The following RNF128 variants were observed in gnomAD, a reference collection of about 807,000 sequenced individuals.
RNF128 encodes ring finger protein 128.
A neutral mutation model predicts 26.2 loss-of-function variants in RNF128; 13 were observed. The ratio of observed to expected loss-of-function variants is 0.50; its 90% CI spans 0.32 to 0.79. The LOEUF is 0.79. RNF128 is among the 30% of genes least tolerant of loss of function. The pLI is 0.03. For synonymous variants in RNF128, 149 were observed against 142.5 expected, an observed-to-expected ratio of 1.05 and a Z score of -0.32; for missense variants, 315 against 349.7, an observed-to-expected ratio of 0.90 and a Z score of 0.79.
chrX:106,759,187 T>G lies in RNF128; in HGVS notation c.485-13726T>G, dbSNP rs576561499. On this transcript the variant is annotated intron_variant, in intron 1 of 6. Transcript: ENST00000255499. Reference sequence around the variant, plus strand: ...GGCAAACAGGTATATGAAAAGATGCTCAACATAATTGATCATCAGAAATGC... The same window carrying G: ...GGCAAACAGGTATATGAAAAGATGCGCAACATAATTGATCATCAGAAATGC... 1.6e-4 allele frequency among the ~76,000 whole-genome samples: 18 copies of G among 111,835 alleles called. 1 individual carries two copies. The highest frequency in any genetic ancestry group is 5.5e-4 in the African/African-American group (17 of 30,854).
chrX:106,766,165 G>A (rs183542505), intron 1 of RNF128, among the ~76,000 whole-genome samples: 7 of 111,747 alleles, frequency 6.3e-5, no homozygotes, highest in African/African-American at 9.7e-5. Flanking sequence ...GAATAGTGCC[G>A]AAATAAACAT....
At chrX:106,700,557 AT>A (rs913101147) in intron 1 of RNF128, among the ~76,000 whole-genome samples, 10 of 111,801 alleles carry the variant, frequency 8.9e-5, no homozygotes, top group African/African-American at 3.3e-4. Flanking sequence ...AAACTATTGT[AT>A]TTTTTAAATT....
At chrX:106,753,735 A>T (rs1248862325) in intron 1 of RNF128, among the ~76,000 whole-genome samples, 1 of 112,243 alleles carries the variant, frequency 8.9e-6, no homozygotes, top group East Asian at 2.8e-4. Context: ...GGACACACAT[A>T]GACTGAATAT....
chrX:106,782,965 TAGAAG>T (rs1930590540), intron 2 of RNF128, among the ~76,000 whole-genome samples: 1 of 112,151 alleles, frequency 8.9e-6, no homozygotes, highest in African/African-American at 3.2e-5. Flanking sequence ...AGTAACAAAA[TAGAAG>T]GGAAGATATT....
intron 6 of RNF128, among the ~76,000 whole-genome samples, chrX:106,795,372 A>C (rs1336680153): frequency 8.9e-6 from 1 of 111,818 alleles, no homozygotes; most frequent in Non-Finnish European, 1.9e-5. Context: ...GAATCAAAAA[A>C]GCAATTATAA....
intron 5 of RNF128, among the ~76,000 whole-genome samples, chrX:106,790,551 G>A (rs5962751): frequency 0.14 from 15,352 of 110,197 alleles, 2,635 homozygotes; most frequent in African/African-American, 0.48. Flanking sequence ...CCCTCTTTCT[G>A]TTTTTGTAAT....
chrX:106,759,813 G>A (rs1355733485), intron 1 of RNF128, among the ~76,000 whole-genome samples: 1 of 111,580 alleles, frequency 9.0e-6, no homozygotes, highest in Non-Finnish European at 1.9e-5. Flanking sequence ...AGAAATTGGG[G>A]ATTATTACTG....
intron 1 of RNF128, among the ~76,000 whole-genome samples, chrX:106,754,331 C>A (rs1013118856): frequency 9.3e-6 from 1 of 107,954 alleles, no homozygotes; most frequent in South Asian, 4.1e-4. Flanking sequence ...AGGGAACCTT[C>A]CACCTCAGCC....
chrX:106,694,010 A>G, exon 1 of RNF128: 3 of 1,193,607 alleles, frequency 2.5e-6, no homozygotes, highest in Non-Finnish European at 3.4e-6. Flanking sequence ...GCAATGAACC[A>G]GGAGAATAGG....
At chrX:106,716,015 A>G in intron 1 of RNF128, among the ~76,000 whole-genome samples, 1 of 111,394 alleles carries the variant, frequency 9.0e-6, no homozygotes, top group Admixed American at 9.5e-5. Context: ...CCTCCTCTGT[A>G]CTCTAGCCAA....
intron 6 of RNF128, among the ~76,000 whole-genome samples, chrX:106,794,812 G>T (rs1454569663): frequency 9.0e-6 from 1 of 111,017 alleles, no homozygotes; most frequent in Non-Finnish European, 1.9e-5. Context: ...ACACTACAGG[G>T]TTCATTCTAG....
chrX:106,788,412 A>G (rs60744409), intron 4 of RNF128, among the ~76,000 whole-genome samples: 1 of 45,607 alleles, frequency 2.2e-5, no homozygotes, highest in Admixed American at 4.3e-4. Context: ...ATAATATATA[A>G]TATATAATAT....
intron 1 of RNF128, among the ~76,000 whole-genome samples, chrX:106,766,026 T>A (rs1413628119): frequency 1.8e-5 from 2 of 111,056 alleles, no homozygotes; most frequent in Non-Finnish European, 3.8e-5. Flanking sequence ...GCTTCATCCA[T>A]GTCCCTACAA....
At chrX:106,698,985 C>G (rs760313279) in intron 1 of RNF128, among the ~76,000 whole-genome samples, 1 of 110,980 alleles carries the variant, frequency 9.0e-6, no homozygotes, top group Non-Finnish European at 1.9e-5. Flanking sequence ...ACCCCTGATG[C>G]CTTCCTCATC....
At chrX:106,776,456 A>G (rs1930465722) in intron 2 of RNF128, among the ~76,000 whole-genome samples, 1 of 112,226 alleles carries the variant, frequency 8.9e-6, no homozygotes, top group African/African-American at 3.2e-5. Context: ...TCATCTTCCA[A>G]GAGGAGGGAA....
At chrX:106,730,287 G>A (rs964725887) in intron 1 of RNF128, among the ~76,000 whole-genome samples, 1 of 112,325 alleles carries the variant, frequency 8.9e-6, no homozygotes, top group Non-Finnish European at 1.9e-5. Flanking sequence ...TGTTTGCAGA[G>A]TATTCAGAAA....
At chrX:106,703,202 A>T (rs1928988363) in intron 1 of RNF128, among the ~76,000 whole-genome samples, 1 of 112,073 alleles carries the variant, frequency 8.9e-6, no homozygotes, top group South Asian at 3.8e-4. Flanking sequence ...TTTATATTTT[A>T]AATGACTGTC....
At chrX:106,758,536 T>C (rs985902723) in intron 1 of RNF128, among the ~76,000 whole-genome samples, 9 of 111,713 alleles carry the variant, frequency 8.1e-5, no homozygotes, top group African/African-American at 2.9e-4. Context: ...TAAATTATAC[T>C]ACACAGTTAT....
intron 1 of RNF128, among the ~76,000 whole-genome samples, chrX:106,697,907 T>C (rs766462496): frequency 9.2e-6 from 1 of 108,628 alleles, no homozygotes; most frequent in Non-Finnish European, 1.9e-5. Flanking sequence ...TGAGTATATC[T>C]CTATCTATCT....
Sources: allele counts gnomAD v4.1 joint callset (sites outside exome capture counted in the v4.1 genomes callset), GRCh38; gene constraint gnomAD v4.1.1; transcripts MANE v1.5; gene names NCBI Gene and HGNC (gene_info 2026-07-23, HGNC 2026-07-21).